Variants in BEND5 observed in about 807,000 individuals in gnomAD.
The protein encoded by BEND5 is BEN domain-containing protein 5.
Under a neutral mutation model 43.9 loss-of-function variants are expected in BEND5, and 22 were observed. The ratio of observed to expected loss-of-function variants is 0.50; its 90% confidence interval spans 0.36 to 0.72. The LOEUF (loss-of-function observed/expected upper bound fraction) is 0.72. Among genes scored for constraint, BEND5 ranks in the 30% least tolerant of loss-of-function variants. BEND5 has a pLI of 0.00. For missense variants in BEND5, 428 were observed against 550.6 expected (o/e 0.78, Z 2.23); for synonymous variants, 228 against 225.9 (o/e 1.01, Z -0.08).
rs34838490 is a variant in BEND5, at chr1:48,742,680, C to T, written c.837G>A (p.Ser279=). 66 of 1,610,952 alleles carry T rather than the reference C, an allele frequency of 4.1e-5. No homozygotes were observed. In the Middle Eastern group the frequency reaches 4.9e-4, roughly 12 times the overall value. Residue 279 remains serine, a synonymous_variant, in exon 4 of 6, where the codon TCG becomes TCA. Transcript: ENST00000371833. The stretch of plus-strand genomic sequence containing the variant: ...CAGGCGCAGGAGCGGGGTAATAGGA[C>T]GACGTATTTGCTTCCTCACTGAAAG... ...RSTFSEEANT[S]SYYPAPAPVM... is the part of the protein sequence containing the mutation.
chr1:48,740,351 A>C (rs1255228556), intron 4 of BEND5, among the ~76,000 whole-genome samples: 1 of 152,142 alleles, frequency 6.6e-6, no homozygotes, highest in Non-Finnish European at 1.5e-5. Flanking sequence ...CCTGCCTCTA[A>C]CCTGTTATGT....
chr1:48,766,927 T>A (rs1019266689), intron 1 of BEND5, among the ~76,000 whole-genome samples: 2 of 152,212 alleles, frequency 1.3e-5, no homozygotes. Flanking sequence ...CAGTATATGA[T>A]AAGAACCCAA....
At chr1:48,760,137 A>T (rs1252418101) in intron 2 of BEND5, among the ~76,000 whole-genome samples, 1 of 152,208 alleles carries the variant, frequency 6.6e-6, no homozygotes, top group Non-Finnish European at 1.5e-5. Flanking sequence ...AAGACAGTGG[A>T]TAGAGAGAAG....
intron 3 of BEND5, among the ~76,000 whole-genome samples, chr1:48,743,307 T>C (rs936831701): frequency 6.6e-6 from 1 of 152,176 alleles, no homozygotes; most frequent in Non-Finnish European, 1.5e-5. Flanking sequence ...AAGCCCCTGA[T>C]TGCCTGATCC....
At chr1:48,764,379 G>C (rs1292530077) in intron 1 of BEND5, among the ~76,000 whole-genome samples, 1 of 152,210 alleles carries the variant, frequency 6.6e-6, no homozygotes, top group Non-Finnish European at 1.5e-5. Context: ...AACTTGAGCA[G>C]AGTGAATGGC....
chr1:48,774,468 G>T (rs1221388485), intron 1 of BEND5, among the ~76,000 whole-genome samples: 2 of 152,176 alleles, frequency 1.3e-5, no homozygotes, highest in African/African-American at 2.4e-5. Context: ...ACTTCAAGTT[G>T]TTGTCTTTTT....
chr1:48,731,372 T>C (rs969333506), intron 5 of BEND5, among the ~76,000 whole-genome samples: 1 of 152,154 alleles, frequency 6.6e-6, no homozygotes, highest in Non-Finnish European at 1.5e-5. Context: ...TCTAATCAGA[T>C]GTATGGCCTT....
At chr1:48,728,469 T>A (rs1419873542) in intron 5 of BEND5, among the ~76,000 whole-genome samples, 1 of 146,780 alleles carries the variant, frequency 6.8e-6, no homozygotes, top group African/African-American at 2.5e-5. Context: ...GCCCACTCTA[T>A]CATTCTGACT....
chr1:48,737,438 C>G (rs1424883405), intron 4 of BEND5, among the ~76,000 whole-genome samples: 1 of 152,206 alleles, frequency 6.6e-6, no homozygotes, highest in African/African-American at 2.4e-5. Flanking sequence ...AGGAGAGCAG[C>G]TGCCCTGCCA....
At chr1:48,756,383 C>T (rs879746941) in intron 3 of BEND5, among the ~76,000 whole-genome samples, 1 of 152,174 alleles carries the variant, frequency 6.6e-6, no homozygotes, top group African/African-American at 2.4e-5. Flanking sequence ...ACTGTGCTGT[C>T]ATTGATTGTT....
intron 3 of BEND5, among the ~76,000 whole-genome samples, chr1:48,743,785 G>A (rs1427679937): frequency 6.6e-6 from 1 of 152,176 alleles, no homozygotes; most frequent in Non-Finnish European, 1.5e-5. Flanking sequence ...CAATCTGCTT[G>A]CCACTCTGGG....
At chr1:48,754,257 C>T (rs1652185999) in intron 3 of BEND5, among the ~76,000 whole-genome samples, 1 of 152,132 alleles carries the variant, frequency 6.6e-6, no homozygotes, top group Admixed American at 6.5e-5. Context: ...GCTTACCCTC[C>T]CCCAACTGGG....
chr1:48,730,644 G>A (rs1271182213), intron 5 of BEND5, among the ~76,000 whole-genome samples: 1 of 152,136 alleles, frequency 6.6e-6, no homozygotes, highest in Non-Finnish European at 1.5e-5. Context: ...CTCATTTCCT[G>A]TGGGTAACAG....
intron 5 of BEND5, among the ~76,000 whole-genome samples, chr1:48,735,458 A>G (rs1453418383): frequency 6.6e-6 from 1 of 151,662 alleles, no homozygotes; most frequent in Non-Finnish European, 1.5e-5. Context: ...GAGAGAAAGT[A>G]GAGGAAGGAG....
At chr1:48,757,433 A>G (rs920031455) in intron 3 of BEND5, among the ~76,000 whole-genome samples, 1 of 152,186 alleles carries the variant, frequency 6.6e-6, no homozygotes, top group Non-Finnish European at 1.5e-5. Context: ...GTCACTGTGA[A>G]CCTCTGTAGA....
chr1:48,741,339 G>A (rs1649879813), intron 4 of BEND5, among the ~76,000 whole-genome samples: 1 of 152,238 alleles, frequency 6.6e-6, no homozygotes, highest in Non-Finnish European at 1.5e-5. Flanking sequence ...ACCCAGAGAA[G>A]TGAAGGATCT....
In BEND5 at chr1:48,728,062, C is replaced by T; in HGVS notation, c.1109-19G>A. On this transcript the variant is annotated intron_variant, in intron 5 of 5. Transcript: ENST00000371833. The stretch of plus-strand genomic sequence containing the variant: ...AAACACTCTAGACGGGGAGAAGAAA[C>T]AAGGCCAAGGATTAATGGTGAATTC... The T allele has an allele frequency of 5.1e-6, 8 of 1,567,958 alleles. No individual in the cohort carries two copies. Among genetic ancestry groups the T allele is most frequent in the Non-Finnish European group, 6.9e-6 (8 of 1,152,520 alleles).
Position 48,776,798 on chromosome 1 carries a change from C to A in BEND5, c.34G>T (p.Val12Phe). 2.0e-6 allele frequency: 3 copies of A among 1,524,136 alleles called. No individual in the cohort carries two copies. Among genetic ancestry groups the A allele is most frequent in the Non-Finnish European group, 2.6e-6 (3 of 1,136,516 alleles). 94.4% of individuals were successfully genotyped at this position (1,524,136 alleles called of 1,614,324 possible). Residue 12 changes from valine to phenylalanine, a missense_variant, in exon 1 of 6, where the codon GTC becomes TTC. Physicochemically the swap from Val to Phe is conservative, Grantham distance 50. Transcript: ENST00000371833. Reference protein sequence around the residue: ...YAFVRFLEDNVCYALPVSCVR... With the variant: ...YAFVRFLEDNFCYALPVSCVR... ...CACGACACGGGCAGCGCGTAGCAGA[C>A]GTTGTCCTCCAGGAACCGCACAAAG...
At chr1:48,769,730 C>T (rs1356848093) in intron 1 of BEND5, among the ~76,000 whole-genome samples, 1 of 152,122 alleles carries the variant, frequency 6.6e-6, no homozygotes, top group African/African-American at 2.4e-5. Context: ...TTAATGAGAA[C>T]CTACTATATG....
Sources: gnomAD v4.1 joint callset for allele counts (sites outside exome capture counted in the v4.1 genomes callset) on GRCh38, gnomAD v4.1.1 for gene constraint, MANE v1.5 for transcripts, NCBI Gene and HGNC (gene_info 2026-07-23, HGNC 2026-07-21) for gene names.